PTPRD: variants seen among roughly 807,000 people sequenced by gnomAD.
PTPRD encodes the protein receptor-type tyrosine-protein phosphatase delta.
Under a neutral mutation model 214.5 loss-of-function variants are expected in PTPRD, and 34 were observed. That is an observed-to-expected ratio of 0.16 (90% CI 0.12 to 0.21). PTPRD has a LOEUF of 0.21. Among genes scored for constraint, PTPRD ranks in the 10% least tolerant of loss-of-function variants. The probability of loss-of-function intolerance (pLI) is 1.00; values close to 1 mark genes in which losing one functional copy is unlikely to be tolerated. For synonymous variants in PTPRD, 1,128 were observed against 845.7 expected, an observed-to-expected ratio of 1.33 and a Z score of -5.79; for missense variants, 2,545 against 2,398.7, an observed-to-expected ratio of 1.06 and a Z score of -1.27.
chr9:10,544,403 CT>C (rs2059774940), intron 2 of PTPRD, among the ~76,000 whole-genome samples: 1 of 152,058 alleles, frequency 6.6e-6, no homozygotes, highest in African/African-American at 2.4e-5. Context: ...AATAGAATGT[CT>C]TTTCATTGTT....
chr9:9,062,391 C>G (rs2099709137), intron 10 of PTPRD, among the ~76,000 whole-genome samples: 1 of 152,154 alleles, frequency 6.6e-6, no homozygotes, highest in East Asian at 1.9e-4. Context: ...TACCTTGTGG[C>G]TGATGGAAGA....
At chr9:8,641,525 G>T (rs972594907) in intron 12 of PTPRD, among the ~76,000 whole-genome samples, 2 of 148,328 alleles carry the variant, frequency 1.3e-5, no homozygotes, top group African/African-American at 5.3e-5. Flanking sequence ...GCCAGGTACT[G>T]CACAGGTCAA....
intron 11 of PTPRD, among the ~76,000 whole-genome samples, chr9:8,844,343 T>G (rs1391207810): frequency 6.6e-6 from 1 of 152,142 alleles, no homozygotes; most frequent in Non-Finnish European, 1.5e-5. Flanking sequence ...TTTTGAAAGA[T>G]TTTCACAATC....
intron 6 of PTPRD, among the ~76,000 whole-genome samples, 177 bp from the exon 7 acceptor site, chr9:9,734,748 T>G (rs2154444958): frequency 6.6e-6 from 1 of 152,216 alleles, no homozygotes; most frequent in South Asian, 2.1e-4. Flanking sequence ...TAAACTGAAG[T>G]GTTTAACTTA....
intron 11 of PTPRD, among the ~76,000 whole-genome samples, chr9:8,786,638 C>A (rs544859352): frequency 6.6e-6 from 1 of 151,388 alleles, no homozygotes; most frequent in South Asian, 2.1e-4. Flanking sequence ...TGGTCTGGAA[C>A]TCCTAACCTC....
chr9:10,476,016 A>G (rs2099060224), intron 2 of PTPRD, among the ~76,000 whole-genome samples: 1 of 152,178 alleles, frequency 6.6e-6, no homozygotes, highest in South Asian at 2.1e-4. Context: ...ACAAGCCCAT[A>G]GCCAATATCA....
chr9:8,886,021 C>G (rs2098484499), intron 11 of PTPRD, among the ~76,000 whole-genome samples: 1 of 152,088 alleles, frequency 6.6e-6, no homozygotes, highest in African/African-American at 2.4e-5. Flanking sequence ...CTATGACACA[C>G]CTTTATGGTT....
At chr9:9,445,095 C>T (rs547515663) in intron 8 of PTPRD, among the ~76,000 whole-genome samples, 12 of 152,180 alleles carry the variant, frequency 7.9e-5, no homozygotes, top group Non-Finnish European at 1.6e-4. Flanking sequence ...GATTTTTGCA[C>T]TTGGTAATAT....
chr9:10,134,643 G>C (rs562360122), intron 3 of PTPRD, among the ~76,000 whole-genome samples: 1 of 152,062 alleles, frequency 6.6e-6, no homozygotes, highest in African/African-American at 2.4e-5. Context: ...ATCCAGAAAT[G>C]AAGCTAGTCG....
intron 2 of PTPRD, among the ~76,000 whole-genome samples, chr9:10,499,241 C>T (rs2042958161): frequency 6.6e-6 from 1 of 151,910 alleles, no homozygotes; most frequent in Admixed American, 6.6e-5. Flanking sequence ...AGAAGGTCCT[C>T]ATTGTTCAAC....
At chr9:9,336,905 T>C (rs1331523536) in intron 9 of PTPRD, among the ~76,000 whole-genome samples, 1 of 152,176 alleles carries the variant, frequency 6.6e-6, no homozygotes, top group Non-Finnish European at 1.5e-5. Context: ...CAGCTATTAT[T>C]ATGCTGTTCA....
At chr9:10,528,109 G>C (rs2054879866) in intron 2 of PTPRD, among the ~76,000 whole-genome samples, 1 of 152,156 alleles carries the variant, frequency 6.6e-6, no homozygotes, top group South Asian at 2.1e-4. Flanking sequence ...AGCTCAGCAA[G>C]GGCAGGAGCC....
At chr9:9,216,576 C>T (rs2099952401) in intron 9 of PTPRD, among the ~76,000 whole-genome samples, 1 of 152,144 alleles carries the variant, frequency 6.6e-6, no homozygotes, top group African/African-American at 2.4e-5. Context: ...AGAGTGAAAG[C>T]TCAAGGCAGC....
chr9:8,953,875 G>C (rs1320102715), intron 11 of PTPRD, among the ~76,000 whole-genome samples: 1 of 151,906 alleles, frequency 6.6e-6, no homozygotes, highest in Non-Finnish European at 1.5e-5. Flanking sequence ...GCAAAGAAAA[G>C]GGGACACTTA....
intron 9 of PTPRD, among the ~76,000 whole-genome samples, chr9:9,319,968 A>G (rs1434011087): frequency 1.3e-5 from 2 of 152,174 alleles, no homozygotes; most frequent in South Asian, 2.1e-4. Flanking sequence ...TTTCACTTCA[A>G]TTATATCATT....
At chr9:10,348,526 TTC>T (rs1444257735) in intron 2 of PTPRD, among the ~76,000 whole-genome samples, 6 of 152,344 alleles carry the variant, frequency 3.9e-5, no homozygotes, top group East Asian at 3.9e-4. Flanking sequence ...CTCTGAATTC[TTC>T]TGAGTAATAT....
At chr9:9,920,525 G>C (rs2082263898) in intron 5 of PTPRD, among the ~76,000 whole-genome samples, 1 of 152,038 alleles carries the variant, frequency 6.6e-6, no homozygotes, top group Non-Finnish European at 1.5e-5. Context: ...TTGTCCTTGT[G>C]GTACTGTTTC....
chr9:9,352,725 C>T (rs763068381), intron 9 of PTPRD, among the ~76,000 whole-genome samples: 1 of 151,880 alleles, frequency 6.6e-6, no homozygotes, highest in African/African-American at 2.4e-5. Flanking sequence ...ACATAGTTCA[C>T]ATTACAGTAC....
intron 17 of PTPRD, 114 bp downstream of exon 17, chr9:8,526,513 A>G: frequency 1.1e-6 from 1 of 905,000 alleles, no homozygotes; most frequent in Non-Finnish European, 1.6e-6. Context: ...AAGAAAAAAA[A>G]AAAGTTGATG....
Sources: allele counts gnomAD v4.1 joint callset (sites outside exome capture counted in the v4.1 genomes callset), GRCh38; gene constraint gnomAD v4.1.1; transcripts MANE v1.5; gene names NCBI Gene and HGNC (gene_info 2026-07-23, HGNC 2026-07-21).